The following LRRCC1 variants were observed in gnomAD, a reference collection of about 807,000 sequenced individuals.
The protein encoded by LRRCC1 is leucine rich repeat and coiled-coil centrosomal protein 1.
A neutral mutation model predicts 126.0 loss-of-function variants in LRRCC1; 115 were observed. The observed-to-expected ratio is 0.91, with a 90% CI of 0.78 to 1.07. The LOEUF is 1.07. Ranked by LOEUF, LRRCC1 falls within the 50% of genes least tolerant of loss-of-function variation. LRRCC1 has a pLI of 0.00. For missense variants in LRRCC1, 1,172 were observed against 1,175.7 expected (o/e 1.00, Z 0.05); for synonymous variants, 400 against 393.4 (o/e 1.02, Z -0.20).
In LRRCC1 at chr8:85,138,356, G is replaced by A. The variant is rs1457131978; in HGVS notation, c.2721G>A (p.Trp907Ter). ...ATATTAGTACACTGAATCGGAAGTG[G>A]CATGATAAAGGAGAACTTCTATGTC... is the stretch of plus-strand genomic sequence containing the variant. Reference protein sequence around the residue: ...RKAYSTLNRKWHDKGELLCHL... With the variant: ...RKAYSTLNRK The change falls in exon 17 of 19, where the codon TGG becomes TGA. Residue 907 changes from tryptophan to a stop codon, truncating the protein, a stop_gained. Transcript: ENST00000360375. LOFTEE classifies it high-confidence loss of function. The A allele has an allele frequency of 1.2e-6, 2 of 1,606,300 alleles. No individual in the cohort carries two copies. Among genetic ancestry groups the A allele is most frequent in the Non-Finnish European group, 1.7e-6 (2 of 1,177,662 alleles).
At position 85,115,231 on chromosome 8, in the gene LRRCC1, A is replaced by C. The variant is rs770622542; in HGVS notation, c.676A>C (p.Asn226His). 6.2e-7 allele frequency: 1 copy of C among 1,611,382 alleles called. No homozygotes were observed. The highest frequency in any genetic ancestry group is 8.5e-7 in the Non-Finnish European group (1 of 1,178,840). Residue 226 changes from asparagine (N) to histidine (H), a missense_variant, in exon 5 of 19, where the codon AAT (asparagine) becomes CAT (histidine). Transcript: ENST00000360375. ...QLQCLEGLLD[N>H]LVSSDSPLNI... ...GCAGTGCCTAGAAGGTCTTTTGGAT[A>C]ATTTAGTTTCTTCTGATTCTCCCCT...
At chr8:85,138,770 C>T (rs1352235875) in intron 17 of LRRCC1, among the ~76,000 whole-genome samples, 1 of 152,124 alleles carries the variant, frequency 6.6e-6, no homozygotes, top group Non-Finnish European at 1.5e-5. Flanking sequence ...TGAGGCTGCA[C>T]ACGGTGGCTC....
At position 85,115,497 on chromosome 8, in the gene LRRCC1, G is replaced by A. The variant is rs753620905; in HGVS notation, c.843G>A (p.Glu281=). The change falls in exon 6 of 19, where the codon GAG becomes GAA. Residue 281 remains glutamate, a synonymous_variant. Coordinates refer to ENST00000360375, the MANE Select transcript of LRRCC1 (RefSeq NM_033402.5). ...TTATGTCTGTGTGTCAATCTTCTGA[G>A]CCAGAGAAAAATAATCATGAAAACG... ...TSFMSVCQSS[E]PEKNNHENDL... 6.2e-7 allele frequency: 1 copy of A among 1,613,754 alleles called. No individual in the cohort carries two copies. The highest frequency in any genetic ancestry group is 8.5e-7 in the Non-Finnish European group (1 of 1,179,836).
intron 6 of LRRCC1, among the ~76,000 whole-genome samples, chr8:85,122,423 A>G (rs558714212): frequency 2.0e-5 from 3 of 152,156 alleles, no homozygotes; most frequent in Non-Finnish European, 2.9e-5. Context: ...CATTTTGTCA[A>G]TGTTTGTTTT....
chr8:85,115,945 A>G (rs1347574504), intron 6 of LRRCC1, among the ~76,000 whole-genome samples: 5 of 152,214 alleles, frequency 3.3e-5, no homozygotes, highest in African/African-American at 7.2e-5. Flanking sequence ...GGCCTCTACT[A>G]TCTCTTCAGT....
At chr8:85,115,631 C>CAT in intron 6 of LRRCC1, 47 bp downstream of exon 6, 1 of 1,299,118 alleles carries the variant, frequency 7.7e-7, no homozygotes, top group Middle Eastern at 2.0e-4. Context: ...TTGAAGAAAA[C>CAT]ATAGTTAAGA....
intron 18 of LRRCC1, among the ~76,000 whole-genome samples, chr8:85,144,912 TA>T (rs1236932924): frequency 7.0e-5 from 10 of 143,752 alleles, no homozygotes; most frequent in Admixed American, 1.4e-4. Context: ...CTACTAAAAA[TA>T]AAAAAAAAAT....
chr8:85,108,143 C>T (rs569024627), intron 1 of LRRCC1, among the ~76,000 whole-genome samples: 1 of 152,342 alleles, frequency 6.6e-6, no homozygotes, highest in East Asian at 1.9e-4. Flanking sequence ...TAGCAGACTT[C>T]TCTGTGCCTT....
At chr8:85,138,010 C>T in intron 15 of LRRCC1, 25 bp from the exon 16 acceptor site, 1 of 1,305,734 alleles carries the variant, frequency 7.7e-7, no homozygotes, top group East Asian at 2.5e-5. Flanking sequence ...TTAATAAAAA[C>T]AAAGTGCCAA....
chr8:85,140,959 G>A (rs1345612761), intron 17 of LRRCC1, among the ~76,000 whole-genome samples: 1 of 152,046 alleles, frequency 6.6e-6, no homozygotes, highest in Non-Finnish European at 1.5e-5. Context: ...TTAGTTACTT[G>A]GGAGGCTGAA....
Position 85,137,533 on chromosome 8 carries a change from G to A in LRRCC1, c.2399G>A (p.Cys800Tyr). The A allele has an allele frequency of 6.4e-7, 1 of 1,570,690 alleles. No homozygotes were observed. Among genetic ancestry groups the A allele is most frequent in the Non-Finnish European group, 8.6e-7 (1 of 1,162,946 alleles). The change falls in exon 15 of 19, where the codon TGT (cysteine) becomes TAT (tyrosine). Residue 800 changes from cysteine (C) to tyrosine (Y), a missense_variant. Coordinates refer to ENST00000360375, the MANE Select transcript of LRRCC1 (RefSeq NM_033402.5). ...GAGAGTTTATCTAGAGAGAATGAAT[G>A]TCTGCGAAAGACAAATGAAAGTGAT... ...QIESLSRENE[C>Y]LRKTNESDSD...
chr8:85,111,182 A>G (rs1808689069), intron 3 of LRRCC1, among the ~76,000 whole-genome samples: 1 of 152,166 alleles, frequency 6.6e-6, no homozygotes, highest in Non-Finnish European at 1.5e-5. Context: ...GTTCAAAACC[A>G]GCCTGACCAA....
chr8:85,134,810 G>T (rs1810734500), intron 12 of LRRCC1, 37 bp from the exon 13 acceptor site: 7 of 1,309,728 alleles, frequency 5.3e-6, no homozygotes, highest in East Asian at 2.6e-5. Flanking sequence ...CTAATTATTT[G>T]GAGAACTGCT....
chr8:85,130,180 G>C, intron 11 of LRRCC1, 122 bp downstream of exon 11: 1 of 676,530 alleles, frequency 1.5e-6, no homozygotes, highest in Non-Finnish European at 2.2e-6. Context: ...CTGTCGTCCA[G>C]GCTGGAGTGC....
chr8:85,137,229 C>T (rs1048638241), intron 14 of LRRCC1, among the ~76,000 whole-genome samples: 1 of 152,196 alleles, frequency 6.6e-6, no homozygotes, highest in Non-Finnish European at 1.5e-5. Flanking sequence ...ATTAATATTA[C>T]ATATCTGAGT....
chr8:85,133,654 A>G (rs1312033591), intron 12 of LRRCC1, among the ~76,000 whole-genome samples: 1 of 152,118 alleles, frequency 6.6e-6, no homozygotes, highest in East Asian at 1.9e-4. Context: ...CTGTGACACT[A>G]CACATTCAGT....
chr8:85,118,935 A>G (rs1455896537), intron 6 of LRRCC1, among the ~76,000 whole-genome samples: 1 of 152,010 alleles, frequency 6.6e-6, no homozygotes, highest in Non-Finnish European at 1.5e-5. Flanking sequence ...ACTTTTGTGC[A>G]TACCAAAATA....
Position 85,112,922 on chromosome 8 carries a change from C to T in LRRCC1, c.377-10C>T, listed in dbSNP as rs774559375. ...GCTGTGGCATTTAAAGAATTATGTTCCTATTGCAGGATTGATTCCCCTTCA... is the reference window on the plus strand; with the variant it reads ...GCTGTGGCATTTAAAGAATTATGTTTCTATTGCAGGATTGATTCCCCTTCA... On this transcript the variant is annotated splice_polypyrimidine_tract_variant and intron_variant, in intron 3 of 18. Transcript: ENST00000360375. 8.4e-6 allele frequency: 13 copies of T among 1,541,154 alleles called. No homozygotes were observed. In the South Asian group the frequency reaches 1.6e-4, roughly 19 times the overall value.
intron 13 of LRRCC1, among the ~76,000 whole-genome samples, chr8:85,135,258 T>G (rs1261224501): frequency 6.6e-6 from 1 of 152,190 alleles, no homozygotes; most frequent in Non-Finnish European, 1.5e-5. Flanking sequence ...TTAAGAAACA[T>G]GTTCAATTAA....
Sources: allele counts gnomAD v4.1 joint callset (sites outside exome capture counted in the v4.1 genomes callset), GRCh38; gene constraint gnomAD v4.1.1; transcripts MANE v1.5; gene names NCBI Gene and HGNC (gene_info 2026-07-23, HGNC 2026-07-21).